The following CACNA2D3 variants were observed in gnomAD, a reference collection of about 807,000 sequenced individuals.
CACNA2D3 encodes the protein calcium voltage-gated channel auxiliary subunit alpha2delta 3, also known as voltage-dependent calcium channel subunit alpha-2/delta-3.
Under a neutral mutation model 160.6 loss-of-function variants are expected in CACNA2D3, and 60 were observed. The ratio of observed to expected loss-of-function variants is 0.37; its 90% CI spans 0.30 to 0.46. The LOEUF is 0.46. CACNA2D3 is among the 20% of genes least tolerant of loss of function. The pLI is 1.00. For synonymous variants in CACNA2D3, 558 were observed against 492.9 expected (o/e 1.13, Z -1.75); for missense variants, 1,205 against 1,365.0 (o/e 0.88, Z 1.85).
chr3:54,912,640 C>T (rs1700582988), intron 27 of CACNA2D3, among the ~76,000 whole-genome samples: 1 of 152,078 alleles, frequency 6.6e-6, no homozygotes, highest in South Asian at 2.1e-4. Flanking sequence ...TTCCTTATCA[C>T]CACATGTAAA....
intron 2 of CACNA2D3, among the ~76,000 whole-genome samples, chr3:54,232,785 CTT>C (rs1257615129): frequency 2.0e-5 from 3 of 152,180 alleles, no homozygotes; most frequent in Non-Finnish European, 4.4e-5. Flanking sequence ...AAGTTACAGA[CTT>C]TAAATTATGC....
At chr3:54,647,774 A>G (rs1351243128) in intron 11 of CACNA2D3, among the ~76,000 whole-genome samples, 1 of 152,244 alleles carries the variant, frequency 6.6e-6, no homozygotes, top group African/African-American at 2.4e-5. Flanking sequence ...GGTGATTTTA[A>G]CTGTGAGCCT....
chr3:54,321,303 G>A (rs1703986212), intron 3 of CACNA2D3, among the ~76,000 whole-genome samples: 1 of 147,090 alleles, frequency 6.8e-6, no homozygotes, highest in South Asian at 2.2e-4. Flanking sequence ...CTGGGTGACA[G>A]CGTGAGACTC....
chr3:54,327,265 G>A (rs531243990), intron 3 of CACNA2D3, among the ~76,000 whole-genome samples: 1 of 152,200 alleles, frequency 6.6e-6, no homozygotes, highest in Non-Finnish European at 1.5e-5. Context: ...CACCCCCTTG[G>A]GGGTACATGC....
intron 2 of CACNA2D3, among the ~76,000 whole-genome samples, chr3:54,239,600 G>A: frequency 6.6e-6 from 1 of 152,232 alleles, no homozygotes; most frequent in East Asian, 1.9e-4. Context: ...TGTGTGCTAA[G>A]GGGGTTCAGG....
At chr3:54,831,414 GA>G (rs1231862316) in intron 14 of CACNA2D3, among the ~76,000 whole-genome samples, 3 of 152,214 alleles carry the variant, frequency 2.0e-5, no homozygotes, top group African/African-American at 7.2e-5. Flanking sequence ...AGCTTCCTCT[GA>G]ATAGAGTTAT....
intron 13 of CACNA2D3, among the ~76,000 whole-genome samples, chr3:54,807,372 A>T (rs1377102495): frequency 6.6e-6 from 1 of 152,054 alleles, no homozygotes; most frequent in Non-Finnish European, 1.5e-5. Flanking sequence ...AAAACAAACA[A>T]CCCCATCAAA....
chr3:54,909,709 C>A (rs1700518515), intron 27 of CACNA2D3, among the ~76,000 whole-genome samples: 1 of 145,546 alleles, frequency 6.9e-6, no homozygotes, highest in African/African-American at 2.6e-5. Context: ...GTGTGCAACA[C>A]AGGTGGAGAA....
At chr3:54,253,234 G>C (rs1205764528) in intron 2 of CACNA2D3, among the ~76,000 whole-genome samples, 2 of 151,866 alleles carry the variant, frequency 1.3e-5, no homozygotes, top group African/African-American at 4.8e-5. Context: ...GTCTCTATTA[G>C]TGTGTTCTCA....
rs374214034 is a variant in CACNA2D3, at chr3:54,245,611, GC to G, written c.205-74829del. ...CATGGGTTCCATCAGTCAACTTTGGGCCATTGACATAGTGCAGTTGTTGCCT... is the reference window on the plus strand; with the variant it reads ...CATGGGTTCCATCAGTCAACTTTGGGCATTGACATAGTGCAGTTGTTGCCT... On this transcript the variant is annotated intron_variant, in intron 2 of 37. Transcript: ENST00000474759. Among the ~76,000 whole-genome samples the G allele has an allele frequency of 2.2e-4, 34 of 152,254 alleles. 1 individual carries two copies. The South Asian group carries it at 7.0e-3, about 32-fold the overall frequency.
At chr3:54,276,262 C>G (rs1326012324) in intron 2 of CACNA2D3, among the ~76,000 whole-genome samples, 2 of 152,050 alleles carry the variant, frequency 1.3e-5, no homozygotes, top group East Asian at 3.9e-4. Context: ...GAAGGAAGAG[C>G]AGTTTGATAA....
chr3:54,181,993 T>C (rs1700792721), intron 2 of CACNA2D3, among the ~76,000 whole-genome samples: 1 of 152,224 alleles, frequency 6.6e-6, no homozygotes, highest in South Asian at 2.1e-4. Context: ...TTGATACTTT[T>C]AATAATCTAG....
At chr3:55,009,362 A>G (rs1340466709) in intron 33 of CACNA2D3, 26 bp from the exon 34 acceptor site, 4 of 1,610,284 alleles carry the variant, frequency 2.5e-6, no homozygotes, top group Admixed American at 1.7e-5. Context: ...ACGAAGTAAC[A>G]TTGGGCTTTT....
intron 18 of CACNA2D3, chr3:54,878,688 C>G (rs1699720615): frequency 4.8e-6 from 1 of 206,686 alleles, no homozygotes; most frequent in African/African-American, 2.3e-5. Flanking sequence ...GAAAACGTAC[C>G]TTGTCCCCAG....
intron 35 of CACNA2D3, among the ~76,000 whole-genome samples, chr3:55,033,827 T>TTTTATG (rs1390816217): frequency 1.8e-3 from 138 of 78,540 alleles, no homozygotes; most frequent in South Asian, 4.9e-3. Flanking sequence ...TTAAATATAT[T>TTTTATG]TAATATATAA....
In CACNA2D3 at chr3:54,838,615, G is replaced by T; in HGVS notation, c.1518G>T (p.Val506=). The change falls in exon 16 of 38, where the codon GTG becomes GTT. Residue 506 remains valine (V), a synonymous_variant. Transcript: ENST00000474759. ...GAGTGGTTGGCACAGATGTCCCAGT[G>T]AAAGAACTTCTGAAGACCATCCCCA... ...LLGVVGTDVP[V]KELLKTIPKY... 6.2e-7 allele frequency: 1 copy of T among 1,613,688 alleles called. No homozygotes were observed.
chr3:54,809,247 T>C (rs914238544), intron 13 of CACNA2D3, among the ~76,000 whole-genome samples: 1 of 149,158 alleles, frequency 6.7e-6, no homozygotes, highest in Admixed American at 6.7e-5. Context: ...TCTCCCTCTC[T>C]CTTCCTTTCT....
chr3:54,901,880 C>G (rs1559623261), intron 27 of CACNA2D3, among the ~76,000 whole-genome samples: 1 of 152,158 alleles, frequency 6.6e-6, no homozygotes, highest in Non-Finnish European at 1.5e-5. Context: ...TTCAGCACCC[C>G]CTCCCCAAGT....
At chr3:54,922,254 G>C (rs1200076602) in intron 27 of CACNA2D3, among the ~76,000 whole-genome samples, 2 of 151,534 alleles carry the variant, frequency 1.3e-5, no homozygotes, top group Non-Finnish European at 2.9e-5. Context: ...CCACCAGCAA[G>C]TTTGTGGCAG....
Sources: allele counts gnomAD v4.1 joint callset (sites outside exome capture counted in the v4.1 genomes callset), GRCh38; gene constraint gnomAD v4.1.1; transcripts MANE v1.5; gene names NCBI Gene and HGNC (gene_info 2026-07-23, HGNC 2026-07-21).